UNC79: variants seen among roughly 807,000 people sequenced by gnomAD.
UNC79 encodes protein unc-79 homolog.
Under a neutral mutation model 283.1 loss-of-function variants are expected in UNC79, and 37 were observed. The ratio of observed to expected loss-of-function variants is 0.13; its 90% confidence interval spans 0.10 to 0.17. The LOEUF is 0.17. Among genes scored for constraint, UNC79 ranks in the 10% least tolerant of loss-of-function variants. The pLI is 1.00. For synonymous variants in UNC79, 1,107 were observed against 1,200.2 expected, an observed-to-expected ratio of 0.92 and a Z score of 1.61; for missense variants, 2,272 against 3,211.1, an observed-to-expected ratio of 0.71 and a Z score of 7.07.
intron 31 of UNC79, 50 bp downstream of exon 33, chr14:93,630,958 C>G (rs1238210015): frequency 6.7e-7 from 1 of 1,496,276 alleles, no homozygotes; most frequent in South Asian, 1.1e-5. Flanking sequence ...TTTTGGAACA[C>G]TGTCTGCTGC....
intron 14 of UNC79, among the ~76,000 whole-genome samples, chr14:93,554,674 C>G (rs954215041): frequency 6.6e-6 from 1 of 152,076 alleles, no homozygotes; most frequent in Non-Finnish European, 1.5e-5. Flanking sequence ...AAATAATACC[C>G]TTTTAGCCAA....
Position 93,673,015 on chromosome 14 carries a change from G to T in UNC79, c.6637-336G>T, listed in dbSNP as rs532387673. 1.1e-3 allele frequency among the ~76,000 whole-genome samples: 173 copies of T among 152,234 alleles called. 1 individual carries two copies. Among genetic ancestry groups the T allele is most frequent in the African/African-American group, 3.8e-3 (156 of 41,536 alleles). ...TATGTTTCTCTCTAAATCATTTTGT[G>T]TTGAAAAAATACTTTTCGACTGATT... On this transcript the variant is annotated intron_variant, in intron 40 of 48. Transcript: ENST00000555664.
At chr14:93,545,437 G>A (rs1213259500) in intron 14 of UNC79, among the ~76,000 whole-genome samples, 1 of 152,146 alleles carries the variant, frequency 6.6e-6, no homozygotes, top group Non-Finnish European at 1.5e-5. Context: ...TAGAAGTCAG[G>A]CCAAGAACTT....
At chr14:93,571,812 C>A in intron 14 of UNC79, 82 bp from the exon 15 acceptor site, 1 of 1,445,498 alleles carries the variant, frequency 6.9e-7, no homozygotes, top group Non-Finnish European at 9.5e-7. Flanking sequence ...TTCTCTGTAC[C>A]CATTGCCTTA....
chr14:93,373,459 A>G (rs1055919455), intron 1 of UNC79, among the ~76,000 whole-genome samples: 1 of 152,174 alleles, frequency 6.6e-6, no homozygotes, highest in Non-Finnish European at 1.5e-5. Flanking sequence ...TGAAAAAGGG[A>G]ACATCACTAC....
intron 14 of UNC79, among the ~76,000 whole-genome samples, chr14:93,546,917 C>G (rs1396442925): frequency 6.6e-6 from 1 of 152,158 alleles, no homozygotes; most frequent in Non-Finnish European, 1.5e-5. Context: ...CAGAGACAAT[C>G]TGTTTATGTT....
chr14:93,645,565 G>C (rs191454076), intron 34 of UNC79, among the ~76,000 whole-genome samples: 43 of 152,196 alleles, frequency 2.8e-4, no homozygotes, highest in Non-Finnish European at 7.4e-5. Flanking sequence ...GTTTATTTGC[G>C]CTAATTATGA....
At chr14:93,363,607 A>G (rs1442220466) in intron 1 of UNC79, among the ~76,000 whole-genome samples, 1 of 152,212 alleles carries the variant, frequency 6.6e-6, no homozygotes, top group Admixed American at 6.5e-5. Context: ...AAGAGTCTTT[A>G]TAGGTCTCTA....
rs2054525676 is a variant in UNC79 at position 93,374,969 on chromosome 14, ATGTATT to A, written c.-351+41452_-351+41457del. On this transcript the variant is annotated intron_variant, in intron 1 of 49. Coordinates refer to the UNC79 transcript ENST00000256339. Reference sequence around the variant, plus strand: ...CTTTGGGGCTATGGAGAAGGAATGAATGTATTTGTATATGAAAAGGACATGAGTTTT... The same window carrying A: ...CTTTGGGGCTATGGAGAAGGAATGAATGTATATGAAAAGGACATGAGTTTT... Among the ~76,000 whole-genome samples the A allele has an allele frequency of 3.3e-5, 5 of 152,184 alleles. No homozygotes were observed. The South Asian group carries it at 1.0e-3, about 31-fold the overall frequency.
rs1182010217 is a variant in UNC79, at chr14:93,477,538, T to C, written c.449-20T>C. On this transcript the variant is annotated intron_variant, in intron 3 of 48. Transcript: ENST00000555664. ...AATTGCAAAATATTCAGTGACTGAT[T>C]ACTCAATTTTGTTTTGTAGATCTTG... 2 of 1,556,646 alleles carry C rather than the reference T, an allele frequency of 1.3e-6. No homozygotes were observed. Among genetic ancestry groups the C allele is most frequent in the African/African-American group, 2.7e-5 (2 of 73,578 alleles).
intron 1 of UNC79, among the ~76,000 whole-genome samples, chr14:93,437,841 G>A (rs1425779578): frequency 2.0e-5 from 3 of 152,100 alleles, no homozygotes; most frequent in South Asian, 2.1e-4. Flanking sequence ...ATAAACACAC[G>A]TCATTTGATT....
chr14:93,622,030 T>A, exon 30 of UNC79: 1 of 1,614,110 alleles, frequency 6.2e-7, no homozygotes, highest in Non-Finnish European at 8.5e-7. Flanking sequence ...CGGTAAAGCC[T>A]GCTCCTAAAG....
At chr14:93,453,321 A>G (rs1168358962) in intron 1 of UNC79, among the ~76,000 whole-genome samples, 1 of 152,228 alleles carries the variant, frequency 6.6e-6, no homozygotes, top group African/African-American at 2.4e-5. Flanking sequence ...TTAGCTGTAG[A>G]AACTTAAAGA....
chr14:93,505,732 T>C (rs1484223618), intron 7 of UNC79, among the ~76,000 whole-genome samples: 2 of 149,632 alleles, frequency 1.3e-5, no homozygotes, highest in African/African-American at 2.4e-5. Flanking sequence ...CTCTCTCTCT[T>C]TTTTTTTTGC....
At chr14:93,398,765 A>G (rs2055046968) in intron 1 of UNC79, among the ~76,000 whole-genome samples, 1 of 152,198 alleles carries the variant, frequency 6.6e-6, no homozygotes, top group Non-Finnish European at 1.5e-5. Context: ...GTATCCAGGA[A>G]GGTCTTTATG....
intron 4 of UNC79, among the ~76,000 whole-genome samples, chr14:93,481,895 T>A (rs940307706): frequency 1.3e-5 from 2 of 152,202 alleles, no homozygotes; most frequent in African/African-American, 4.8e-5. Context: ...GGGAAATGTT[T>A]TGAAATAGAA....
At chr14:93,608,383 C>G (rs2066038615) in intron 26 of UNC79, among the ~76,000 whole-genome samples, 1 of 152,102 alleles carries the variant, frequency 6.6e-6, no homozygotes, top group Admixed American at 6.6e-5. Flanking sequence ...GGGAAGGTCT[C>G]ATGGACAGGT....
chr14:93,609,557 G>T (rs74790655), intron 26 of UNC79, among the ~76,000 whole-genome samples: 4 of 151,956 alleles, frequency 2.6e-5, no homozygotes, highest in African/African-American at 9.7e-5. Flanking sequence ...AAAATATAAC[G>T]TCAGACCCTT....
chr14:93,691,701 A>G (rs1012704410), intron 45 of UNC79, 48 bp from the exon 49 acceptor site: 2 of 1,606,292 alleles, frequency 1.2e-6, no homozygotes, highest in African/African-American at 2.7e-5. Flanking sequence ...GTGGAGGGCC[A>G]CAGCCTGCTG....
Sources: gnomAD v4.1 joint callset for allele counts (sites outside exome capture counted in the v4.1 genomes callset) on GRCh38, gnomAD v4.1.1 for gene constraint, MANE v1.5 for transcripts, NCBI Gene and HGNC (gene_info 2026-07-23, HGNC 2026-07-21) for gene names.